USP48: variants seen among roughly 807,000 people sequenced by gnomAD.
USP48 encodes ubiquitin carboxyl-terminal hydrolase 48.
A neutral mutation model predicts 150.7 loss-of-function variants in USP48; 43 were observed. The observed-to-expected ratio is 0.29, with a 90% confidence interval of 0.22 to 0.37. The LOEUF (loss-of-function observed/expected upper bound fraction) is 0.37. USP48 is among the 10% of genes least tolerant of loss of function. USP48 has a pLI of 1.00. For synonymous variants in USP48, 396 were observed against 425.9 expected (o/e 0.93, Z 0.86); for missense variants, 813 against 1,249.6 (o/e 0.65, Z 5.27).
chr1:21,706,903 A>C (rs766139692), intron 15 of USP48, 35 bp from the exon 16 acceptor site: 7 of 1,563,314 alleles, frequency 4.5e-6, no homozygotes, highest in South Asian at 1.2e-5. Flanking sequence ...AAAAAAAAAA[A>C]ACAGCTGAAA....
intron 23 of USP48, among the ~76,000 whole-genome samples, chr1:21,694,663 G>C (rs920263562): frequency 2.2e-5 from 3 of 139,050 alleles, no homozygotes; most frequent in African/African-American, 8.2e-5. Context: ...TGACAGCCTA[G>C]TGAATAAGCA....
At chr1:21,679,838 C>G (rs960894358) in intron 26 of USP48, among the ~76,000 whole-genome samples, 1 of 152,134 alleles carries the variant, frequency 6.6e-6, no homozygotes, top group African/African-American at 2.4e-5. Flanking sequence ...AGATTACAGG[C>G]GCACGCCACC....
chr1:21,751,892 C>T lies in USP48; in HGVS notation c.666-277G>A, dbSNP rs189867202. On this transcript the variant is annotated intron_variant, in intron 5 of 26. Coordinates refer to ENST00000308271, the MANE Select transcript of USP48 (RefSeq NM_032236.8). ...AATCAGCCGGATGTGGTGGCGCGTTCCTGTAATCTCAGCTACTCGGGAGGC... is the reference window on the plus strand; with the variant it reads ...AATCAGCCGGATGTGGTGGCGCGTTTCTGTAATCTCAGCTACTCGGGAGGC... Among the ~76,000 whole-genome samples the T allele has an allele frequency of 1.8e-3, 269 of 151,966 alleles. 1 individual carries two copies. The highest frequency in any genetic ancestry group is 3.4e-3 in the Middle Eastern group (1 of 294).
intron 23 of USP48, 146 bp from the exon 24 acceptor site, chr1:21,690,245 T>C (rs2097593820): frequency 2.1e-6 from 2 of 952,182 alleles, no homozygotes; most frequent in African/African-American, 1.7e-5. Context: ...AGCCTACTTG[T>C]TATACTCCTA....
chr1:21,680,705 C>T (rs1206956648), intron 26 of USP48, 103 bp downstream of exon 26: 2 of 1,116,776 alleles, frequency 1.8e-6, no homozygotes, highest in African/African-American at 3.3e-5. Context: ...TCATGAGACT[C>T]AGATTGGATT....
At chr1:21,716,805 G>A (rs1329490314) in intron 14 of USP48, among the ~76,000 whole-genome samples, 1 of 151,502 alleles carries the variant, frequency 6.6e-6, no homozygotes, top group Non-Finnish European at 1.5e-5. Flanking sequence ...GAGGCGGGTG[G>A]ATCACGAGAT....
intron 3 of USP48, among the ~76,000 whole-genome samples, chr1:21,753,543 A>G (rs1305610392): frequency 7.3e-6 from 1 of 137,058 alleles, no homozygotes; most frequent in African/African-American, 2.8e-5. Context: ...AACAAAAAAC[A>G]AGGCTGGGCA....
At chr1:21,704,123 T>C (rs2097665259) in intron 20 of USP48, 139 bp downstream of exon 20, 2 of 887,168 alleles carry the variant, frequency 2.3e-6, no homozygotes, top group East Asian at 2.6e-5. Flanking sequence ...AATAATGGGA[T>C]GATTATAATG....
rs117327977 is a variant in USP48 at position 21,717,351 on chromosome 1, T to C, written c.1895-1894A>G. Among the ~76,000 whole-genome samples, 582 of 151,098 alleles carry C rather than the reference T, an allele frequency of 3.9e-3. 12 individuals are homozygous for C. In the East Asian group the frequency reaches 0.064, roughly 17 times the overall value. On this transcript the variant is annotated intron_variant, in intron 14 of 26. Coordinates refer to ENST00000308271, the MANE Select transcript of USP48 (RefSeq NM_032236.8). Reference sequence around the variant, plus strand: ...CCCATGAGGTGGAGGCTGCATTGAGTTGCAATTGCGTCACTGCTCTCCAGC... The same window carrying C: ...CCCATGAGGTGGAGGCTGCATTGAGCTGCAATTGCGTCACTGCTCTCCAGC...
intron 19 of USP48, 32 bp downstream of exon 19, chr1:21,705,694 GA>G (rs767699890): frequency 8.1e-5 from 118 of 1,449,430 alleles, no homozygotes; most frequent in African/African-American, 3.6e-4. Context: ...GAGAAAAGAA[GA>G]AAAAAAAATC....
chr1:21,709,715 C>T (rs1308931814), intron 15 of USP48, among the ~76,000 whole-genome samples: 2 of 152,070 alleles, frequency 1.3e-5, no homozygotes, highest in Non-Finnish European at 1.5e-5. Flanking sequence ...TGTGGGTGCA[C>T]GGCTTCATTC....
chr1:21,696,394 C>A lies in USP48; in HGVS notation c.2728-1173G>T, dbSNP rs553202590. Among the ~76,000 whole-genome samples, 8 of 152,308 alleles carry A rather than the reference C, an allele frequency of 5.3e-5. No homozygotes were observed. In the South Asian group the frequency reaches 1.4e-3, roughly 28 times the overall value. ...CGGAGGCTGCGGTGAGCCGAGATTGCGCCACTGCACTCCAGCCTGGGCAAC... is the reference window on the plus strand; with the variant it reads ...CGGAGGCTGCGGTGAGCCGAGATTGAGCCACTGCACTCCAGCCTGGGCAAC... On this transcript the variant is annotated intron_variant, in intron 22 of 26. Transcript: ENST00000308271.
intron 20 of USP48, among the ~76,000 whole-genome samples, chr1:21,703,990 T>G (rs2097664887): frequency 6.6e-6 from 1 of 152,198 alleles, no homozygotes; most frequent in South Asian, 2.1e-4. Context: ...CTCAAAGTAT[T>G]AGGATTATAG....
intron 22 of USP48, among the ~76,000 whole-genome samples, chr1:21,698,676 A>G (rs996633249): frequency 3.3e-5 from 5 of 152,168 alleles, no homozygotes; most frequent in African/African-American, 1.2e-4. Context: ...GACAGCAGGC[A>G]ATAAAAGATT....
intron 24 of USP48, among the ~76,000 whole-genome samples, chr1:21,688,838 A>C (rs1488305347): frequency 2.5e-5 from 2 of 80,798 alleles, no homozygotes; most frequent in African/African-American, 5.6e-5. Flanking sequence ...GCGAGACTCC[A>C]TCTCAAAAAA....
Position 21,708,335 on chromosome 1 carries a change from C to T in USP48, c.1964-1467G>A, listed in dbSNP as rs148506547. On this transcript the variant is annotated intron_variant, in intron 15 of 26. Transcript: ENST00000308271. ...CCAACATGGCGAAACCCCGTCTCTA[C>T]TCAAAATACAAAAATTAGCCAGGTG... 4.2e-3 allele frequency among the ~76,000 whole-genome samples: 637 copies of T among 152,008 alleles called. 4 individuals carry two copies. Among genetic ancestry groups the T allele is most frequent in the African/African-American group, 0.015 (615 of 41,468 alleles).
chr1:21,750,923 A>C (rs1366718221), intron 6 of USP48, among the ~76,000 whole-genome samples: 1 of 152,024 alleles, frequency 6.6e-6, no homozygotes, highest in Non-Finnish European at 1.5e-5. Flanking sequence ...TTCAATGACT[A>C]CTTCAGGCAT....
intron 10 of USP48, 150 bp downstream of exon 10, chr1:21,729,554 T>C: frequency 3.1e-6 from 3 of 980,588 alleles, no homozygotes; most frequent in Admixed American, 3.1e-5. Flanking sequence ...TTCTTAAAAG[T>C]AAATTTGCAA....
intron 18 of USP48, 70 bp downstream of exon 18, chr1:21,706,056 A>G: frequency 2.0e-6 from 3 of 1,506,610 alleles, no homozygotes; most frequent in Non-Finnish European, 2.8e-6. Context: ...AGAATCCACG[A>G]TATCTTAAAA....
Sources: allele counts gnomAD v4.1 joint callset (sites outside exome capture counted in the v4.1 genomes callset), GRCh38; gene constraint gnomAD v4.1.1; transcripts MANE v1.5; gene names NCBI Gene and HGNC (gene_info 2026-07-23, HGNC 2026-07-21).